Variants in FRMPD4 observed in about 807,000 individuals in gnomAD.
FRMPD4 encodes FERM and PDZ domain containing 4.
A neutral mutation model predicts 94.1 loss-of-function variants in FRMPD4; 22 were observed. The ratio of observed to expected loss-of-function variants is 0.23; its 90% CI spans 0.17 to 0.33. The LOEUF (loss-of-function observed/expected upper bound fraction) is 0.33, where lower values mean the gene tolerates loss of function less well. FRMPD4 is among the 10% of genes least tolerant of loss of function. The pLI, the probability that FRMPD4 is intolerant of heterozygous loss-of-function variation, is 1.00. For missense variants in FRMPD4, 1,111 were observed against 1,339.9 expected, an observed-to-expected ratio of 0.83 and a Z score of 2.67; for synonymous variants, 631 against 548.6, an observed-to-expected ratio of 1.15 and a Z score of -2.10.
Position 12,577,269 on chromosome X carries a change from T to C in FRMPD4, c.159-32452T>C, listed in dbSNP as rs980286822. On this transcript the variant is annotated intron_variant, in intron 2 of 16. Transcript: ENST00000675598. ...TCCAGAGTAGATGAGAGAAGATCCT[T>C]ATGCAGGCAATGGTAATTGATCAAA... Among the ~76,000 whole-genome samples, 6 of 111,411 alleles carry C rather than the reference T, an allele frequency of 5.4e-5. No individual in the cohort carries two copies. In the Admixed American group the frequency reaches 5.8e-4, roughly 11 times the overall value.
intron 1 of FRMPD4, among the ~76,000 whole-genome samples, chrX:12,441,541 G>A (rs2057136357): frequency 9.0e-6 from 1 of 111,711 alleles, no homozygotes; most frequent in African/African-American, 3.3e-5. Context: ...GAGACTCCCA[G>A]GATGCAAAAT....
At chrX:12,302,494 T>TC (rs1390930199) in intron 1 of FRMPD4, among the ~76,000 whole-genome samples, 3 of 111,836 alleles carry the variant, frequency 2.7e-5, no homozygotes, top group Non-Finnish European at 5.6e-5. Flanking sequence ...GTTATTAGCA[T>TC]CTTATTAGAG....
Position 12,723,268 on chromosome X carries a change from G to T in FRMPD4, c.*1410G>T, listed in dbSNP as rs1602386746. The T allele has an allele frequency of 9.0e-6, 1 of 111,476 alleles. No homozygotes were observed. Among genetic ancestry groups the T allele is most frequent in the East Asian group, 2.8e-4 (1 of 3,591 alleles). 9.2% of individuals were successfully genotyped at this position (111,476 alleles called of 1,213,427 possible). On this transcript the variant is annotated 3_prime_UTR_variant, in exon 17 of 17. Coordinates refer to ENST00000675598, the MANE Select transcript of FRMPD4 (RefSeq NM_001368397.1). ...TCGATATGTATATATGTATTTCCTG[G>T]GTCATTCAGTGCTCAAGTTACATGC...
At chrX:11,832,349 G>T (rs1311032941) in intron 1 of FRMPD4, among the ~76,000 whole-genome samples, 1 of 111,826 alleles carries the variant, frequency 8.9e-6, no homozygotes. Flanking sequence ...CAGACAAAGT[G>T]ATTCAAGGAG....
At chrX:12,498,050 T>C (rs1010747487) in intron 1 of FRMPD4, among the ~76,000 whole-genome samples, 1 of 110,842 alleles carries the variant, frequency 9.0e-6, no homozygotes, top group Non-Finnish European at 1.9e-5. Context: ...TGCAAAGGGC[T>C]CACGGGTAGC....
chrX:12,705,994 T>C (rs1053881315), intron 11 of FRMPD4, among the ~76,000 whole-genome samples: 7 of 112,284 alleles, frequency 6.2e-5, no homozygotes, highest in African/African-American at 2.3e-4. Context: ...AATAGAATTT[T>C]ATGGTCATTG....
intron 1 of FRMPD4, among the ~76,000 whole-genome samples, chrX:12,291,369 G>A (rs1385436902): frequency 9.0e-6 from 1 of 110,915 alleles, no homozygotes; most frequent in Non-Finnish European, 1.9e-5. Flanking sequence ...AAATGTTATG[G>A]TTTCCAGAGG....
At chrX:12,071,299 A>G (rs2054966125) in intron 3 of FRMPD4, among the ~76,000 whole-genome samples, 2 of 109,919 alleles carry the variant, frequency 1.8e-5, no homozygotes, top group Non-Finnish European at 1.9e-5. Flanking sequence ...CTCCTTGCCT[A>G]TAACCCCTTT....
intron 2 of FRMPD4, among the ~76,000 whole-genome samples, chrX:12,550,950 C>T (rs1206291653): frequency 9.2e-6 from 1 of 109,107 alleles, no homozygotes; most frequent in African/African-American, 3.3e-5. Flanking sequence ...ATATATCATA[C>T]ATATGCATTT....
intron 1 of FRMPD4, among the ~76,000 whole-genome samples, chrX:12,243,705 T>A (rs946873500): frequency 9.4e-6 from 1 of 106,341 alleles, no homozygotes; most frequent in Non-Finnish European, 1.9e-5. Context: ...AGGTGAAGCA[T>A]GATAAGCATT....
intron 3 of FRMPD4, among the ~76,000 whole-genome samples, chrX:11,947,684 G>C (rs753525213): frequency 8.9e-6 from 1 of 112,026 alleles, no homozygotes; most frequent in Admixed American, 9.5e-5. Flanking sequence ...TTATGGAGTG[G>C]AGATGAGGAC....
chrX:11,951,298 T>C lies in FRMPD4; in HGVS notation c.95+73280T>C, dbSNP rs146017330. Among the ~76,000 whole-genome samples the C allele has an allele frequency of 9.7e-3, 1,073 of 111,034 alleles. 10 individuals carry two copies. Among genetic ancestry groups the C allele is most frequent in the African/African-American group, 0.033 (1,015 of 30,514 alleles). ...CATAAAGACACATGCACATGTATGT[T>C]CGTCACAGCACTATTCACAATAGCA... On this transcript the variant is annotated intron_variant, in intron 3 of 18. Coordinates refer to the FRMPD4 transcript ENST00000640291.
intron 1 of FRMPD4, among the ~76,000 whole-genome samples, chrX:11,856,478 GA>G (rs2053654452): frequency 9.0e-6 from 1 of 111,157 alleles, no homozygotes; most frequent in Non-Finnish European, 1.9e-5. Context: ...AATAGATACA[GA>G]AAAGGCTTTT....
At chrX:12,119,366 GTTAAC>G (rs937804955) in intron 3 of FRMPD4, among the ~76,000 whole-genome samples, 3 of 112,059 alleles carry the variant, frequency 2.7e-5, no homozygotes, top group African/African-American at 9.7e-5. Flanking sequence ...AATAGAAATT[GTTAAC>G]TTAATCTCAA....
At chrX:12,575,910 C>A (rs1386510001) in intron 2 of FRMPD4, among the ~76,000 whole-genome samples, 1 of 112,260 alleles carries the variant, frequency 8.9e-6, no homozygotes, top group Non-Finnish European at 1.9e-5. Flanking sequence ...CCTGCCAACA[C>A]CCTGATTTTA....
At chrX:12,334,827 T>C (rs2055491529) in intron 1 of FRMPD4, among the ~76,000 whole-genome samples, 1 of 111,256 alleles carries the variant, frequency 9.0e-6, no homozygotes, top group Non-Finnish European at 1.9e-5. Context: ...TAAAGACAGC[T>C]CTAGTACATC....
At chrX:12,525,861 G>T (rs1293813423) in intron 2 of FRMPD4, among the ~76,000 whole-genome samples, 1 of 111,621 alleles carries the variant, frequency 9.0e-6, no homozygotes, top group Non-Finnish European at 1.9e-5. Flanking sequence ...GTTTTGATTT[G>T]TATTTCCCCT....
intron 3 of FRMPD4, among the ~76,000 whole-genome samples, chrX:12,106,713 C>T (rs888367580): frequency 1.2e-4 from 13 of 111,954 alleles, no homozygotes; most frequent in African/African-American, 4.2e-4. Context: ...TAATACTGCA[C>T]TTTTCCAACG....
At chrX:12,007,693 T>C (rs1175830597) in intron 3 of FRMPD4, among the ~76,000 whole-genome samples, 2 of 112,207 alleles carry the variant, frequency 1.8e-5, no homozygotes, top group Non-Finnish European at 3.8e-5. Flanking sequence ...GGTAACATGT[T>C]TGGGGTCAAG....
Sources: gnomAD v4.1 joint callset for allele counts (sites outside exome capture counted in the v4.1 genomes callset) on GRCh38, gnomAD v4.1.1 for gene constraint, MANE v1.5 for transcripts, NCBI Gene and HGNC (gene_info 2026-07-23, HGNC 2026-07-21) for gene names.